PARN: variants seen among roughly 807,000 people sequenced by gnomAD.
PARN encodes the protein poly(A)-specific ribonuclease PARN.
A neutral mutation model predicts 102.8 loss-of-function variants in PARN; 71 were observed. That is an observed-to-expected ratio of 0.69 (90% CI 0.57 to 0.84). The LOEUF (loss-of-function observed/expected upper bound fraction) is 0.84, where lower values mean the gene tolerates loss of function less well. Ranked by LOEUF, PARN falls within the 40% of genes least tolerant of loss-of-function variation. The pLI, the probability that PARN is intolerant of heterozygous loss-of-function variation, is 0.00. For synonymous variants in PARN, 261 were observed against 252.9 expected, an observed-to-expected ratio of 1.03 and a Z score of -0.30; for missense variants, 782 against 760.9, an observed-to-expected ratio of 1.03 and a Z score of -0.33.
chr16:14,468,908 T>TAGATAGAC (rs1555481223), intron 22 of PARN, among the ~76,000 whole-genome samples: 1 of 150,546 alleles, frequency 6.6e-6, no homozygotes, highest in African/African-American at 2.4e-5. Context: ...GATAGATAGA[T>TAGATAGAC]AGATAGATAG....
At chr16:14,557,668 T>C (rs1308717201) in intron 18 of PARN, among the ~76,000 whole-genome samples, 1 of 151,906 alleles carries the variant, frequency 6.6e-6, no homozygotes, top group African/African-American at 2.4e-5. Flanking sequence ...GTCATAGTAC[T>C]CTGTGGTTTG....
chr16:14,582,431 A>G, intron 16 of PARN, 140 bp from the exon 17 acceptor site: 1 of 625,696 alleles, frequency 1.6e-6, no homozygotes, highest in Non-Finnish European at 2.9e-6. Context: ...AATTCTCTCT[A>G]TATAAGACCT....
intron 20 of PARN, among the ~76,000 whole-genome samples, chr16:14,553,313 A>C (rs1430023026): frequency 6.6e-6 from 1 of 151,788 alleles, no homozygotes; most frequent in South Asian, 2.1e-4. Context: ...AGTTACATGG[A>C]AAGCCTACTT....
At chr16:14,491,344 T>A (rs557606159) in intron 21 of PARN, among the ~76,000 whole-genome samples, 26 of 151,968 alleles carry the variant, frequency 1.7e-4, no homozygotes, top group Admixed American at 1.0e-3. Flanking sequence ...TTCCCACATT[T>A]AGCTGTTGTC....
chr16:14,469,808 C>T (rs999805502), intron 22 of PARN, among the ~76,000 whole-genome samples: 1 of 152,004 alleles, frequency 6.6e-6, no homozygotes, highest in Non-Finnish European at 1.5e-5. Flanking sequence ...TCCGCTAACA[C>T]CACTATAAAT....
intron 21 of PARN, among the ~76,000 whole-genome samples, chr16:14,493,117 A>G (rs1964141439): frequency 1.3e-5 from 2 of 152,270 alleles, no homozygotes; most frequent in African/African-American, 4.8e-5. Flanking sequence ...AGTCTGAACT[A>G]TAAATTTCAA....
At chr16:14,612,876 C>G (rs537169469) in intron 6 of PARN, among the ~76,000 whole-genome samples, 1 of 151,980 alleles carries the variant, frequency 6.6e-6, no homozygotes, top group African/African-American at 2.4e-5. Flanking sequence ...AGATTACAGG[C>G]GTGAGCCACC....
intron 22 of PARN, among the ~76,000 whole-genome samples, chr16:14,464,494 G>A (rs919200039): frequency 2.0e-4 from 31 of 152,112 alleles, no homozygotes; most frequent in African/African-American, 6.0e-4. Flanking sequence ...GGTGGCTCAC[G>A]CCTGTAATCC....
At chr16:14,598,156 A>G (rs1476510704) in intron 12 of PARN, among the ~76,000 whole-genome samples, 1 of 151,798 alleles carries the variant, frequency 6.6e-6, no homozygotes, top group East Asian at 1.9e-4. Flanking sequence ...AAATATATAT[A>G]TATATATATT....
At chr16:14,566,051 G>A (rs868343765) in intron 18 of PARN, among the ~76,000 whole-genome samples, 1 of 152,188 alleles carries the variant, frequency 6.6e-6, no homozygotes. Context: ...CCAATGCAAG[G>A]CTGGAAATAG....
chr16:14,439,157 A>G (rs1960837509), intron 23 of PARN, among the ~76,000 whole-genome samples: 2 of 151,982 alleles, frequency 1.3e-5, no homozygotes, highest in Non-Finnish European at 2.9e-5. Context: ...GGAAGGCTTG[A>G]GCCCAGGAGT....
chr16:14,462,044 A>G (rs974427296), intron 22 of PARN, among the ~76,000 whole-genome samples: 17 of 152,234 alleles, frequency 1.1e-4, no homozygotes, highest in Non-Finnish European at 5.9e-5. Context: ...CATCGTAGTC[A>G]CTGAAATTGG....
In PARN at chr16:14,607,984, T is replaced by C. The variant is rs1318556120; in HGVS notation, c.659+297A>G. The C allele has an allele frequency of 3.1e-5, 11 of 353,578 alleles. No homozygotes were observed. In the South Asian group the frequency reaches 5.2e-4, roughly 17 times the overall value. The allele number at this position is 353,578 out of a possible 1,614,324, so 21.9% of individuals were successfully genotyped here. ...CAAAAGCATTCATCTGAGTATTTCC[T>C]AGGTCTGAAAACCAAATATTTATTG... On this transcript the variant is annotated intron_variant, in intron 9 of 23. Coordinates refer to ENST00000437198, the MANE Select transcript of PARN (RefSeq NM_002582.4).
At chr16:14,629,156 A>G (rs1567473185) in intron 2 of PARN, among the ~76,000 whole-genome samples, 1 of 152,220 alleles carries the variant, frequency 6.6e-6, no homozygotes. Context: ...ATGTGTAAAG[A>G]GTTTCAGACT....
intron 21 of PARN, among the ~76,000 whole-genome samples, chr16:14,489,581 C>T (rs756905503): frequency 1.8e-4 from 27 of 152,200 alleles, no homozygotes; most frequent in Admixed American, 7.2e-4. Flanking sequence ...TCAATGTCTT[C>T]GGTCACATGG....
intron 12 of PARN, among the ~76,000 whole-genome samples, chr16:14,599,153 C>T (rs2151778456): frequency 6.6e-6 from 1 of 151,616 alleles, no homozygotes; most frequent in South Asian, 2.1e-4. Flanking sequence ...AGCGATCCTC[C>T]CACCTCAGCC....
Position 14,628,214 on chromosome 16 carries a change from A to G in PARN, c.135T>C (p.Asn45=), listed in dbSNP as rs181642805. 6.2e-6 allele frequency: 10 copies of G among 1,607,694 alleles called. No homozygotes were observed. The Admixed American group carries it at 1.5e-4, about 24-fold the overall frequency. ...SDGPSVSALT[N]GFDTPEERYQ... ...ACCTCTCTTCTGGAGTGTCAAAACC[A>G]TTTGTTAATGCAGAGACTGAAGGTC... The change falls in exon 3 of 24, where the codon AAT becomes AAC. Residue 45 remains asparagine (N), a synonymous_variant. Transcript: ENST00000437198.
At chr16:14,590,511 T>C (rs1312745870) in intron 13 of PARN, among the ~76,000 whole-genome samples, 7 of 151,318 alleles carry the variant, frequency 4.6e-5, no homozygotes, top group Admixed American at 1.3e-4. Flanking sequence ...AGCAGGCATC[T>C]GTAATCCCAG....
chr16:14,468,641 C>T (rs1962516276), intron 22 of PARN, among the ~76,000 whole-genome samples: 1 of 152,176 alleles, frequency 6.6e-6, no homozygotes. Context: ...CACTGAGAAC[C>T]ACCTCAACTG....
Sources: gnomAD v4.1 joint callset for allele counts (sites outside exome capture counted in the v4.1 genomes callset) on GRCh38, gnomAD v4.1.1 for gene constraint, MANE v1.5 for transcripts, NCBI Gene and HGNC (gene_info 2026-07-23, HGNC 2026-07-21) for gene names.